MAP3K13: variants seen among roughly 807,000 people sequenced by gnomAD.
MAP3K13 encodes mitogen-activated protein kinase kinase kinase 13, also known as leucine zipper-bearing kinase.
MAP3K13 carries 52 observed loss-of-function variants against 104.0 expected under a neutral mutation model. The ratio of observed to expected loss-of-function variants is 0.50; its 90% CI spans 0.40 to 0.63. MAP3K13 has a LOEUF of 0.63. Among genes scored for constraint, MAP3K13 ranks in the 20% least tolerant of loss-of-function variants. The pLI, the probability that MAP3K13 is intolerant of heterozygous loss-of-function variation, is 0.00. For missense variants in MAP3K13, 914 were observed against 1,218.5 expected, an observed-to-expected ratio of 0.75 and a Z score of 3.72; for synonymous variants, 394 against 442.2, an observed-to-expected ratio of 0.89 and a Z score of 1.37.
At chr3:185,398,789 C>T (rs1453795110) in intron 1 of MAP3K13, among the ~76,000 whole-genome samples, 2 of 152,168 alleles carry the variant, frequency 1.3e-5, no homozygotes, top group Non-Finnish European at 1.5e-5. Flanking sequence ...TTGAATCAGA[C>T]TCATTTTCTC....
chr3:185,384,308 C>CTGTGTGTGTG (rs142627913), intron 1 of MAP3K13, among the ~76,000 whole-genome samples: 3,408 of 147,506 alleles, frequency 0.023, 79 homozygotes, highest in African/African-American at 0.047. Flanking sequence ...GTATTCCATT[C>CTGTGTGTGTG]TGTGTGTGTG....
intron 1 of MAP3K13, among the ~76,000 whole-genome samples, chr3:185,365,668 T>TA (rs952371454): frequency 1.3e-5 from 2 of 151,396 alleles, no homozygotes; most frequent in African/African-American, 4.9e-5. Context: ...TGCAAAAAAA[T>TA]AAAAATAAAA....
intron 2 of MAP3K13, among the ~76,000 whole-genome samples, chr3:185,347,080 G>A (rs1468064701): frequency 6.8e-6 from 1 of 148,090 alleles, no homozygotes; most frequent in Non-Finnish European, 1.5e-5. Context: ...TCTACCTCCC[G>A]GGTTCAAGCT....
chr3:185,374,579 G>A (rs1432325243), intron 1 of MAP3K13, among the ~76,000 whole-genome samples: 3 of 152,140 alleles, frequency 2.0e-5, no homozygotes, highest in Non-Finnish European at 2.9e-5. Context: ...ACTAAGAATC[G>A]GGAGGACCCA....
intron 1 of MAP3K13, among the ~76,000 whole-genome samples, chr3:185,380,005 G>A (rs1401063635): frequency 3.3e-5 from 5 of 152,110 alleles, no homozygotes; most frequent in Non-Finnish European, 5.9e-5. Context: ...GGCCAACATG[G>A]TGAAACCCCA....
chr3:185,443,665 T>C, intron 4 of MAP3K13, 29 bp downstream of exon 4: 1 of 1,595,212 alleles, frequency 6.3e-7, no homozygotes, highest in Non-Finnish European at 8.6e-7. Flanking sequence ...GTTTCAGCTA[T>C]TTTGGTTTGT....
intron 1 of MAP3K13, among the ~76,000 whole-genome samples, chr3:185,396,265 G>A (rs1712412579): frequency 6.6e-6 from 1 of 152,072 alleles, no homozygotes; most frequent in South Asian, 2.1e-4. Flanking sequence ...CAGCTAGTCA[G>A]GAGGCTAAGC....
chr3:185,331,091 C>CTT (rs1722253259), intron 2 of MAP3K13, among the ~76,000 whole-genome samples: 3 of 72,418 alleles, frequency 4.1e-5, no homozygotes, highest in African/African-American at 8.0e-5. Flanking sequence ...ACCTAATTTA[C>CTT]CTTTTTTTTT....
At chr3:185,308,461 A>G (rs1721381081) in intron 2 of MAP3K13, among the ~76,000 whole-genome samples, 1 of 152,206 alleles carries the variant, frequency 6.6e-6, no homozygotes. Flanking sequence ...CAGTCCCCAG[A>G]AAAGCTGAAA....
intron 2 of MAP3K13, among the ~76,000 whole-genome samples, chr3:185,338,230 T>A (rs143285874): frequency 2.1e-4 from 32 of 149,050 alleles, no homozygotes; most frequent in African/African-American, 7.4e-4. Context: ...CACGGGAGGC[T>A]GAGGCAGGAG....
intron 2 of MAP3K13, among the ~76,000 whole-genome samples, chr3:185,352,929 T>C (rs1224948040): frequency 1.3e-5 from 2 of 152,264 alleles, no homozygotes; most frequent in African/African-American, 4.8e-5. Flanking sequence ...GGCAGGTTGC[T>C]GCTAGTAGCA....
chr3:185,356,417 T>C (rs2108736315), intron 2 of MAP3K13, among the ~76,000 whole-genome samples: 1 of 152,326 alleles, frequency 6.6e-6, no homozygotes, highest in Middle Eastern at 3.4e-3. Context: ...GAGGGATTGA[T>C]TGGCTTATGT....
chr3:185,407,660 C>T (rs185793674), intron 1 of MAP3K13, among the ~76,000 whole-genome samples: 3 of 152,144 alleles, frequency 2.0e-5, no homozygotes, highest in Admixed American at 6.5e-5. Context: ...CCAATTTCAG[C>T]GGTGGAATTA....
Position 185,312,330 on chromosome 3 carries a change from T to C in MAP3K13, c.-86+26687T>C, listed in dbSNP as rs147704418. Among the ~76,000 whole-genome samples the C allele has an allele frequency of 8.1e-3, 1,233 of 152,352 alleles. 5 individuals are homozygous for C. The highest frequency in any genetic ancestry group is 0.012 in the Non-Finnish European group (841 of 68,030). ...AGAAGCTCGGATATCAGTTCCAATT[T>C]TGTTTCTTTGGCTGTGCTGTTATGA... is the stretch of plus-strand genomic sequence containing the variant. On this transcript the variant is annotated intron_variant, in intron 2 of 14. Coordinates refer to the MAP3K13 transcript ENST00000424227.
chr3:185,290,013 A>C (rs1272902901), intron 2 of MAP3K13, among the ~76,000 whole-genome samples: 1 of 152,168 alleles, frequency 6.6e-6, no homozygotes, highest in Non-Finnish European at 1.5e-5. Flanking sequence ...CAATTTCCTC[A>C]ACTGTAAAAA....
rs571932424 is a variant in MAP3K13, at chr3:185,353,004, C to T, written c.-86+67361C>T. Among the ~76,000 whole-genome samples the T allele has an allele frequency of 7.2e-5, 11 of 152,324 alleles. No individual in the cohort carries two copies. In the East Asian group the frequency reaches 9.6e-4, roughly 13 times the overall value. On this transcript the variant is annotated intron_variant, in intron 2 of 14. Transcript: ENST00000424227. The stretch of plus-strand genomic sequence containing the variant: ...CCTATCTTGAGGTAGTACAATTACA[C>T]GTAATGGAAAACCAAGAGCTTTCCA...
At chr3:185,415,883 A>C (rs532189562) in intron 1 of MAP3K13, among the ~76,000 whole-genome samples, 1 of 152,160 alleles carries the variant, frequency 6.6e-6, no homozygotes, top group African/African-American at 2.4e-5. Flanking sequence ...GCTCCCGGCC[A>C]ATTTTTTTCT....
At chr3:185,292,992 A>T in intron 2 of MAP3K13, 1 of 985,226 alleles carries the variant, frequency 1.0e-6, no homozygotes, top group Non-Finnish European at 1.2e-6. Context: ...AAGAATAAAA[A>T]ATTGTTTTAG....
At chr3:185,471,281 A>C (rs1717760487) in intron 10 of MAP3K13, among the ~76,000 whole-genome samples, 1 of 151,516 alleles carries the variant, frequency 6.6e-6, no homozygotes, top group Non-Finnish European at 1.5e-5. Context: ...TGAGCATCCC[A>C]AAAAAACTGT....
Sources: allele counts gnomAD v4.1 joint callset (sites outside exome capture counted in the v4.1 genomes callset), GRCh38; gene constraint gnomAD v4.1.1; transcripts MANE v1.5; gene names NCBI Gene and HGNC (gene_info 2026-07-23, HGNC 2026-07-21).